Variants in FBXL20 observed in about 807,000 individuals in gnomAD.
The protein encoded by FBXL20 is F-box/LRR-repeat protein 20.
In FBXL20, 11 loss-of-function variants were observed where a neutral mutation model predicts 64.0. The observed-to-expected ratio is 0.17, with a 90% CI of 0.11 to 0.28. The LOEUF is 0.28. FBXL20 is among the 10% of genes least tolerant of loss of function. The pLI is 1.00. For synonymous variants in FBXL20, 184 were observed against 189.0 expected, an observed-to-expected ratio of 0.97 and a Z score of 0.22; for missense variants, 303 against 526.2, an observed-to-expected ratio of 0.58 and a Z score of 4.15.
chr17:39,301,789 C>T (rs1460945646), intron 3 of FBXL20, among the ~76,000 whole-genome samples: 6 of 151,924 alleles, frequency 3.9e-5, no homozygotes, highest in African/African-American at 1.2e-4. Flanking sequence ...CCCAGCTATT[C>T]GGGAGGCTGA....
intron 6 of FBXL20, among the ~76,000 whole-genome samples, chr17:39,288,165 C>T (rs1023843085): frequency 6.6e-6 from 1 of 151,894 alleles, no homozygotes; most frequent in Non-Finnish European, 1.5e-5. Context: ...CGGGGTTTCA[C>T]CAAGTTAGTC....
At chr17:39,348,743 A>G (rs1329652182) in intron 1 of FBXL20, among the ~76,000 whole-genome samples, 1 of 152,188 alleles carries the variant, frequency 6.6e-6, no homozygotes, top group African/African-American at 2.4e-5. Context: ...TCTGTTGCCC[A>G]GGTTGGAGTA....
chr17:39,317,483 G>A (rs1179868768), intron 2 of FBXL20, among the ~76,000 whole-genome samples: 1 of 151,950 alleles, frequency 6.6e-6, no homozygotes, highest in Non-Finnish European at 1.5e-5. Context: ...GACCGTCTCT[G>A]CCTCCCAAAG....
intron 2 of FBXL20, among the ~76,000 whole-genome samples, chr17:39,338,400 G>A (rs542898994): frequency 1.1e-4 from 16 of 152,140 alleles, no homozygotes; most frequent in African/African-American, 2.7e-4. Context: ...CAAACACTGC[G>A]GAAGGCCGCA....
chr17:39,260,442 T>G lies in FBXL20; in HGVS notation c.*1018A>C, dbSNP rs1326117207. 1 of 152,142 alleles carries G rather than the reference T, an allele frequency of 6.6e-6. No individual in the cohort carries two copies. The highest frequency in any genetic ancestry group is 1.5e-5 in the Non-Finnish European group (1 of 68,024). 9.4% of individuals were successfully genotyped at this position (152,142 alleles called of 1,614,324 possible). ...TGTAGGGGGAATATTGGGGATACCATGCGAATTATCACATATCAGAAGATA... is the reference window on the plus strand; with the variant it reads ...TGTAGGGGGAATATTGGGGATACCAGGCGAATTATCACATATCAGAAGATA... On this transcript the variant is annotated 3_prime_UTR_variant, in exon 15 of 15. Transcript: ENST00000264658.
intron 6 of FBXL20, among the ~76,000 whole-genome samples, chr17:39,293,032 A>G (rs1441767298): frequency 6.6e-6 from 1 of 152,080 alleles, no homozygotes; most frequent in South Asian, 2.1e-4. Flanking sequence ...ACCTCAGGTG[A>G]TCCGCCCACC....
At position 39,286,909 on chromosome 17, in the gene FBXL20, CTTTTTTTTT is replaced by C. The variant is rs35221372; in HGVS notation, c.399-1345_399-1337del. Among the ~76,000 whole-genome samples the C allele has an allele frequency of 5.2e-5, 6 of 114,544 alleles. No individual in the cohort carries two copies. In the East Asian group the frequency reaches 1.5e-3, roughly 28 times the overall value. 75.1% of individuals were successfully genotyped at this position (114,544 alleles called of 152,430 possible). On this transcript the variant is annotated intron_variant, in intron 6 of 14. Transcript: ENST00000264658. ...CCTGTAAATATTTCAGTATCTATTT[CTTTTTTTTT>C]TTTTTTTTTTTGAGACAGAGTCTTG...
chr17:39,389,606 TAGG>T (rs1224478606), intron 1 of FBXL20, among the ~76,000 whole-genome samples: 1 of 151,888 alleles, frequency 6.6e-6, no homozygotes, highest in Non-Finnish European at 1.5e-5. Flanking sequence ...ATCACAAGGT[TAGG>T]AGATCGAGAC....
chr17:39,286,989 T>G (rs1352315270), intron 6 of FBXL20, among the ~76,000 whole-genome samples: 1 of 146,462 alleles, frequency 6.8e-6, no homozygotes, highest in Non-Finnish European at 1.5e-5. Flanking sequence ...CTTGGCTCAA[T>G]GCAACCTCCG....
At chr17:39,307,999 C>T (rs967255110) in intron 2 of FBXL20, among the ~76,000 whole-genome samples, 1 of 150,560 alleles carries the variant, frequency 6.6e-6, no homozygotes, top group Admixed American at 6.6e-5. Context: ...ATTTAAAAGA[C>T]TTTGTGGACA....
In FBXL20 at chr17:39,379,684, G is replaced by A. The variant is rs188230121; in HGVS notation, c.42+21677C>T. 2.4e-4 allele frequency among the ~76,000 whole-genome samples: 37 copies of A among 152,258 alleles called. 1 individual carries two copies. In the Middle Eastern group the frequency reaches 0.01, roughly 42 times the overall value. On this transcript the variant is annotated intron_variant, in intron 1 of 14. Coordinates refer to ENST00000264658, the MANE Select transcript of FBXL20 (RefSeq NM_032875.3). ...CCACTTAGCTACTTGGGAGGCTGAGGTGGAAGGATCCCTTGAGCCTCAGGA... is the reference window on the plus strand; with the variant it reads ...CCACTTAGCTACTTGGGAGGCTGAGATGGAAGGATCCCTTGAGCCTCAGGA...
At chr17:39,364,421 C>G (rs570786929) in intron 1 of FBXL20, among the ~76,000 whole-genome samples, 2 of 152,144 alleles carry the variant, frequency 1.3e-5, no homozygotes, top group South Asian at 4.1e-4. Context: ...GAGACCTGGG[C>G]AACATGGCAA....
intron 6 of FBXL20, among the ~76,000 whole-genome samples, chr17:39,296,417 G>A (rs1386711675): frequency 5.3e-5 from 8 of 151,736 alleles, no homozygotes; most frequent in East Asian, 3.9e-4. Context: ...AAAATAAGCC[G>A]GGCGTGGTGG....
At chr17:39,348,685 A>C (rs551427616) in intron 1 of FBXL20, among the ~76,000 whole-genome samples, 23 of 152,298 alleles carry the variant, frequency 1.5e-4, no homozygotes, top group African/African-American at 5.3e-4. Flanking sequence ...AGTAATTCAC[A>C]AAGTTGTAAT....
At chr17:39,289,150 G>A (rs2144408196) in intron 6 of FBXL20, among the ~76,000 whole-genome samples, 1 of 152,230 alleles carries the variant, frequency 6.6e-6, no homozygotes. Context: ...TTGCCCTGAT[G>A]AACGTTCCTG....
At chr17:39,377,687 G>A (rs1349138785) in intron 1 of FBXL20, among the ~76,000 whole-genome samples, 4 of 151,912 alleles carry the variant, frequency 2.6e-5, no homozygotes, top group African/African-American at 4.8e-5. Context: ...ATTTTTTAGT[G>A]GAGACGGGGT....
chr17:39,354,682 G>A (rs1597815564), intron 1 of FBXL20, among the ~76,000 whole-genome samples: 1 of 152,088 alleles, frequency 6.6e-6, no homozygotes, highest in Non-Finnish European at 1.5e-5. Flanking sequence ...GCCTTTTGTG[G>A]CTTTTTCACT....
intron 1 of FBXL20, among the ~76,000 whole-genome samples, chr17:39,377,872 G>A (rs979982064): frequency 6.6e-6 from 1 of 152,178 alleles, no homozygotes; most frequent in South Asian, 2.1e-4. Context: ...AGCAGTTACA[G>A]CATGCTGGCA....
Position 39,315,420 on chromosome 17 carries a change from G to A in FBXL20, c.105-11781C>T, listed in dbSNP as rs898902108. Among the ~76,000 whole-genome samples, 62 of 108,366 alleles carry A rather than the reference G, an allele frequency of 5.7e-4. 1 individual carries two copies. Among genetic ancestry groups the A allele is most frequent in the African/African-American group, 2.4e-3 (55 of 23,056 alleles). The allele number at this position is 108,366 out of a possible 152,430, so 71.1% of individuals were successfully genotyped here. On this transcript the variant is annotated intron_variant, in intron 2 of 14. Transcript: ENST00000264658. ...ATATATATATATATATATAGTACAT[G>A]TCTTTAAAACATATATAGGTACACG...
Sources: gnomAD v4.1 joint callset for allele counts (sites outside exome capture counted in the v4.1 genomes callset) on GRCh38, gnomAD v4.1.1 for gene constraint, MANE v1.5 for transcripts, NCBI Gene and HGNC (gene_info 2026-07-23, HGNC 2026-07-21) for gene names.